Variants in MAML2 observed in about 807,000 individuals in gnomAD.
MAML2 encodes mastermind-like protein 2.
MAML2 carries 22 observed loss-of-function variants against 96.1 expected under a neutral mutation model. The observed-to-expected ratio is 0.23, with a 90% CI of 0.16 to 0.33. The LOEUF is 0.33. Ranked by LOEUF, MAML2 falls within the 10% of genes least tolerant of loss-of-function variation. The pLI, the probability that MAML2 is intolerant of heterozygous loss-of-function variation, is 1.00. For missense variants in MAML2, 1,367 were observed against 1,392.4 expected (o/e 0.98, Z 0.29); for synonymous variants, 561 against 521.3 (o/e 1.08, Z -1.04).
intron 1 of MAML2, among the ~76,000 whole-genome samples, chr11:96,119,024 T>C (rs1441909646): frequency 6.6e-6 from 1 of 152,146 alleles, no homozygotes; most frequent in Non-Finnish European, 1.5e-5. Flanking sequence ...ACTCTTACCA[T>C]TTGTAAAAAC....
At chr11:96,150,593 T>G (rs1311895723) in intron 1 of MAML2, among the ~76,000 whole-genome samples, 2 of 152,156 alleles carry the variant, frequency 1.3e-5, no homozygotes. Context: ...AGCAGAGAGT[T>G]AGGGCAGGGA....
Position 96,341,598 on chromosome 11 carries a change from C to A in MAML2, c.298G>T (p.Ala100Ser), listed in dbSNP as rs1187407016. 6.4e-7 allele frequency: 1 copy of A among 1,551,618 alleles called. No individual in the cohort carries two copies. Among genetic ancestry groups the A allele is most frequent in the Non-Finnish European group, 8.7e-7 (1 of 1,147,072 alleles). The change falls in exon 1 of 5, where the codon GCC becomes TCC. Residue 100 changes from alanine to serine, a missense_variant. Physicochemically the swap from Ala to Ser is moderately conservative, Grantham distance 99. Transcript: ENST00000524717. ...GKHTKATATAATTTAPPPPPA... is the reference protein window; with the variant it reads ...GKHTKATATASTTTAPPPPPA... Reference sequence around the variant, plus strand: ...GGCGGTGGAGGGGCTGTAGTGGTGGCAGCAGTGGCGGTGGCCTTGGTGTGT... The same window carrying A: ...GGCGGTGGAGGGGCTGTAGTGGTGGAAGCAGTGGCGGTGGCCTTGGTGTGT...
intron 2 of MAML2, among the ~76,000 whole-genome samples, chr11:96,085,315 A>G (rs1377380797): frequency 6.6e-6 from 1 of 152,210 alleles, no homozygotes; most frequent in African/African-American, 2.4e-5. Flanking sequence ...AACTCCTTAT[A>G]GTAAACACCT....
Position 96,249,599 on chromosome 11 carries a change from A to G in MAML2, c.513+91784T>C, listed in dbSNP as rs188592966. ...CTAGCTGCACGAGTCACACATTTTG[A>G]GTGATCCTTGGTTCAGTTCTTTCTT... On this transcript the variant is annotated intron_variant, in intron 1 of 4. Coordinates refer to ENST00000524717, the MANE Select transcript of MAML2 (RefSeq NM_032427.4). Among the ~76,000 whole-genome samples, 9 of 152,264 alleles carry G rather than the reference A, an allele frequency of 5.9e-5. 1 individual carries two copies. The East Asian group carries it at 1.7e-3, about 29-fold the overall frequency.
chr11:96,024,039 TC>T (rs1349452563), intron 2 of MAML2, among the ~76,000 whole-genome samples: 1 of 152,022 alleles, frequency 6.6e-6, no homozygotes. Flanking sequence ...AAATGGAAAG[TC>T]CAGATATCAA....
intron 1 of MAML2, among the ~76,000 whole-genome samples, chr11:96,222,724 T>A (rs1322687068): frequency 1.3e-5 from 2 of 152,188 alleles, no homozygotes; most frequent in Non-Finnish European, 2.9e-5. Flanking sequence ...CTTGTAATAT[T>A]AAACAATTCC....
chr11:96,250,717 C>A (rs1862570357), intron 1 of MAML2, among the ~76,000 whole-genome samples: 1 of 152,216 alleles, frequency 6.6e-6, no homozygotes, highest in African/African-American at 2.4e-5. Context: ...TTTAAAATGA[C>A]AAGTGTTCAA....
intron 1 of MAML2, among the ~76,000 whole-genome samples, chr11:96,321,269 G>A (rs1863696081): frequency 6.6e-6 from 1 of 152,182 alleles, no homozygotes; most frequent in South Asian, 2.1e-4. Context: ...CTCCTGTGCT[G>A]GAATATAAGA....
chr11:96,179,958 C>G (rs1193316261), intron 1 of MAML2, among the ~76,000 whole-genome samples: 1 of 152,176 alleles, frequency 6.6e-6, no homozygotes, highest in Non-Finnish European at 1.5e-5. Context: ...GACCATCAAT[C>G]AGAAAAGGAT....
At chr11:96,154,865 T>C (rs918246171) in intron 1 of MAML2, among the ~76,000 whole-genome samples, 31 of 152,076 alleles carry the variant, frequency 2.0e-4, no homozygotes, top group African/African-American at 7.2e-4. Flanking sequence ...GGAGGAAGCA[T>C]TAGGTGAAGT....
intron 1 of MAML2, among the ~76,000 whole-genome samples, chr11:96,270,888 C>T (rs1384811403): frequency 6.6e-6 from 1 of 152,162 alleles, no homozygotes; most frequent in Non-Finnish European, 1.5e-5. Flanking sequence ...GGCAGACCCA[C>T]CCTCAATGTG....
intron 1 of MAML2, among the ~76,000 whole-genome samples, chr11:96,129,484 T>C (rs1860508890): frequency 6.6e-6 from 1 of 152,142 alleles, no homozygotes; most frequent in South Asian, 2.1e-4. Context: ...TACCCTTGGC[T>C]GCATGCTAGA....
chr11:96,097,021 AC>A (rs2135817325), intron 1 of MAML2, among the ~76,000 whole-genome samples: 1 of 51,876 alleles, frequency 1.9e-5, no homozygotes. Context: ...ACCGAGGCCC[AC>A]TGTGAATGCC....
chr11:96,124,137 T>C (rs1860398133), intron 1 of MAML2, among the ~76,000 whole-genome samples: 1 of 147,782 alleles, frequency 6.8e-6, no homozygotes, highest in South Asian at 2.2e-4. Context: ...CCAGCAGGTG[T>C]CGTGATTTAG....
intron 1 of MAML2, among the ~76,000 whole-genome samples, chr11:96,122,497 GGTGTGTGTGTGT>G (rs67940033): frequency 2.9e-5 from 4 of 135,682 alleles, no homozygotes; most frequent in South Asian, 2.4e-4. Flanking sequence ...TTTTAGGCTG[GGTGTGTGTGTGT>G]GTGTGTGTGT....
intron 2 of MAML2, among the ~76,000 whole-genome samples, chr11:96,041,777 T>A (rs1441024120): frequency 1.3e-5 from 2 of 151,970 alleles, no homozygotes; most frequent in Non-Finnish European, 2.9e-5. Flanking sequence ...TCTCCCAGTT[T>A]CCATTGTCTG....
chr11:96,092,396 C>A lies in MAML2; in HGVS notation c.1635G>T (p.Pro545=). The A allele has an allele frequency of 1.2e-6, 2 of 1,613,848 alleles. No homozygotes were observed. Among genetic ancestry groups the A allele is most frequent in the South Asian group, 1.1e-5 (1 of 91,038 alleles). The change falls in exon 2 of 5, where the codon CCG becomes CCT. Residue 545 remains proline, a synonymous_variant. Transcript: ENST00000524717. The surrounding 1 kb of genome is among the most constrained non-coding windows in gnomAD (Gnocchi z 4.1). ...CCTGACGGGGCTCCATGGCTGGGTGCGGGTTGTTAATAAAACTTCGACTGA... is the reference window on the plus strand; with the variant it reads ...CCTGACGGGGCTCCATGGCTGGGTGAGGGTTGTTAATAAAACTTCGACTGA... ...QDLSRSFINN[P]HPAMEPRQGN... is the part of the protein sequence containing the mutation.
intron 1 of MAML2, among the ~76,000 whole-genome samples, chr11:96,300,195 A>T (rs781442951): frequency 6.6e-6 from 1 of 152,196 alleles, no homozygotes; most frequent in Non-Finnish European, 1.5e-5. Flanking sequence ...ATTAGTTCTC[A>T]GTGGAGCTTA....
chr11:96,208,465 T>C (rs766762920), intron 1 of MAML2, among the ~76,000 whole-genome samples: 2 of 152,210 alleles, frequency 1.3e-5, no homozygotes, highest in Non-Finnish European at 2.9e-5. Flanking sequence ...AACAGAAGTA[T>C]TTTTCTTTAG....
Sources: allele counts gnomAD v4.1 joint callset (sites outside exome capture counted in the v4.1 genomes callset), GRCh38; gene constraint gnomAD v4.1.1; non-coding constraint Gnocchi (gnomAD v3.1); transcripts MANE v1.5; gene names NCBI Gene and HGNC (gene_info 2026-07-23, HGNC 2026-07-21).